Variants in RBM41 observed in about 807,000 individuals in gnomAD.
RBM41 encodes the protein RNA binding motif protein 41, also known as RNA-binding protein 41.
Under a neutral mutation model 30.8 loss-of-function variants are expected in RBM41, and 14 were observed. The observed-to-expected ratio is 0.45, with a 90% confidence interval of 0.30 to 0.71. The LOEUF is 0.71. Among genes scored for constraint, RBM41 ranks in the 30% least tolerant of loss-of-function variants. The pLI is 0.08. For synonymous variants in RBM41, 120 were observed against 110.1 expected (o/e 1.09, Z -0.56); for missense variants, 276 against 326.3 (o/e 0.85, Z 1.19).
chrX:107,088,229 C>T lies in RBM41; in HGVS notation c.999+207G>A, dbSNP rs1922211615. Among the ~76,000 whole-genome samples, 4 of 111,493 alleles carry T rather than the reference C, an allele frequency of 3.6e-5. No homozygotes were observed. In the South Asian group the frequency reaches 1.5e-3, roughly 43 times the overall value. On this transcript the variant is annotated intron_variant, in intron 6 of 7. Transcript: ENST00000685964. ...TTAAAACGCTAAGGATAGTTCAGGA[C>T]CTTAGCAAAGTACCAAGAACCTTAT...
At chrX:107,053,306 A>G in the RBM41 span, among the ~76,000 whole-genome samples, 17 of 113,508 alleles carry the variant, frequency 1.5e-4, no homozygotes, top group African/African-American at 4.8e-4. Context: ...AAACAATGAT[A>G]GGCTGAGGTA....
intron 5 of RBM41, among the ~76,000 whole-genome samples, chrX:107,111,023 A>G (rs1248112048): frequency 9.0e-6 from 1 of 111,544 alleles, no homozygotes; most frequent in Non-Finnish European, 1.9e-5. Flanking sequence ...CACCAAAAGC[A>G]TAGACAACAA....
chrX:107,072,874 C>A (rs1936111687), intron 6 of RBM41, among the ~76,000 whole-genome samples: 1 of 110,730 alleles, frequency 9.0e-6, no homozygotes. Flanking sequence ...ATAAAGACAC[C>A]AAGAACATCA....
intron 5 of RBM41, among the ~76,000 whole-genome samples, chrX:107,095,389 A>G (rs1335849278): frequency 9.0e-6 from 1 of 110,724 alleles, no homozygotes; most frequent in Non-Finnish European, 1.9e-5. Context: ...TGAGGTCAGG[A>G]GTTTGAGAAC....
At chrX:107,117,900 T>G (rs756337131) in intron 1 of RBM41, among the ~76,000 whole-genome samples, 1 of 111,591 alleles carries the variant, frequency 9.0e-6, no homozygotes, top group Admixed American at 9.5e-5. Context: ...CTTTAAGCTG[T>G]ATATATACAT....
intron 6 of RBM41, 53 bp downstream of exon 6, chrX:107,088,383 A>C: frequency 1.2e-5 from 13 of 1,065,993 alleles, no homozygotes; most frequent in Non-Finnish European, 1.5e-5. Context: ...CTTTAGGTAG[A>C]GGTAAATAAA....
chrX:107,088,549 T>C lies in RBM41; in HGVS notation c.886A>G (p.Thr296Ala). The change falls in exon 6 of 8, where the codon ACG (threonine) becomes GCG (alanine). Residue 296 changes from threonine to alanine, a missense_variant. Thr to Ala is a moderately conservative substitution (Grantham distance 58). Transcript: ENST00000685964. ...EQCWTGPKKL[T>A]QPIEFVPEDE... ...TCTGGGACAAATTCTATTGGCTGCG[T>C]CAGCTTCTTAGGCCCAGTCCAACAC... 2 of 1,211,543 alleles carry C rather than the reference T, an allele frequency of 1.7e-6. No homozygotes were observed. Among genetic ancestry groups the C allele is most frequent in the African/African-American group, 3.5e-5 (2 of 57,737 alleles).
intron 5 of RBM41, among the ~76,000 whole-genome samples, chrX:107,090,995 T>C (rs771358539): frequency 1.3e-3 from 140 of 109,088 alleles, no homozygotes; most frequent in African/African-American, 4.5e-3. Context: ...GTGTGTGATG[T>C]TCCCCTCCCT....
Position 107,090,293 on chromosome X carries a change from G to T in RBM41, c.596-1454C>A, listed in dbSNP as rs757160467. Among the ~76,000 whole-genome samples the T allele has an allele frequency of 7.6e-4, 85 of 111,333 alleles. 1 individual carries two copies. The highest frequency in any genetic ancestry group is 1.5e-4 in the Non-Finnish European group (8 of 53,070). ...GGAGGCTGAGGCAGGAGAATTGCTT[G>T]AACCTGGGAAGCGGAGGTTGCAGTG... On this transcript the variant is annotated intron_variant, in intron 5 of 7. Coordinates refer to ENST00000685964, the MANE Select transcript of RBM41 (RefSeq NM_001324242.2).
At chrX:107,078,752 G>GAAGAACAATAA (rs1442144685) in intron 6 of RBM41, among the ~76,000 whole-genome samples, 1 of 103,719 alleles carries the variant, frequency 9.6e-6, no homozygotes, top group Admixed American at 1.0e-4. Context: ...TCATCATGTC[G>GAAGAACAATAA]AAGAACAATA....
the RBM41 span, among the ~76,000 whole-genome samples, chrX:107,054,460 C>G: frequency 8.9e-6 from 1 of 111,892 alleles, no homozygotes; most frequent in Non-Finnish European, 1.9e-5. Flanking sequence ...AAGCTTAACA[C>G]TGGGGCTTGG....
Position 107,115,204 on chromosome X carries a change from T to A in RBM41, c.523+148A>T, listed in dbSNP as rs1027833237. ...TCATGCAACTAACTGTGCACATATT[T>A]GTCTCTCTTATGGTATTATACATTT... is the stretch of plus-strand genomic sequence containing the variant. On this transcript the variant is annotated intron_variant, in intron 4 of 7. Transcript: ENST00000685964. 4.1e-5 allele frequency: 23 copies of A among 565,227 alleles called. No homozygotes were observed. In the Admixed American group the frequency reaches 7.5e-4, roughly 18 times the overall value. 46.6% of individuals were successfully genotyped at this position (565,227 alleles called of 1,213,427 possible). A position where few individuals can be genotyped will look rare whatever the true frequency, so the allele number is the denominator to read the frequency against.
At chrX:107,086,419 CTG>C (rs779913763) in intron 6 of RBM41, among the ~76,000 whole-genome samples, 1 of 110,394 alleles carries the variant, frequency 9.1e-6, no homozygotes, top group East Asian at 2.8e-4. Flanking sequence ...GTCTAGCAAT[CTG>C]TGTTTTAACA....
At chrX:107,091,584 G>T (rs1019199191) in intron 5 of RBM41, among the ~76,000 whole-genome samples, 6 of 111,895 alleles carry the variant, frequency 5.4e-5, no homozygotes, top group Non-Finnish European at 9.4e-5. Context: ...CTTCACAGAA[G>T]TCTCACTTCC....
At chrX:107,113,000 C>A in intron 5 of RBM41, 1 of 224,531 alleles carries the variant, frequency 4.5e-6, no homozygotes, top group Non-Finnish European at 8.3e-6. Flanking sequence ...GAATTGTACA[C>A]CAAAAAAGAA....
intron 5 of RBM41, among the ~76,000 whole-genome samples, chrX:107,112,351 T>C (rs1261650611): frequency 9.0e-6 from 1 of 111,590 alleles, no homozygotes; most frequent in African/African-American, 3.2e-5. Flanking sequence ...TTCACAGCTA[T>C]TGAAATAACC....
chrX:107,088,716 T>A lies in RBM41; in HGVS notation c.719A>T (p.His240Leu), dbSNP rs1165500482. 8.3e-7 allele frequency: 1 copy of A among 1,211,248 alleles called. No individual in the cohort carries two copies. Among genetic ancestry groups the A allele is most frequent in the South Asian group, 1.8e-5 (1 of 56,961 alleles). ...QLMRGEPFAS[H>L]SLVSATSVGD... ...CACTGATGTAGCTGAGACCAGTGAG[T>A]GGGAAGCAAAGGGTTCACCTCTCAT... The change falls in exon 6 of 8, where the codon CAC (histidine) becomes CTC (leucine). Residue 240 changes from histidine (H) to leucine (L), a missense_variant. Physicochemically the swap from His to Leu is moderately conservative, Grantham distance 99. Transcript: ENST00000685964.
At chrX:107,106,985 G>A (rs1400785502) in intron 5 of RBM41, among the ~76,000 whole-genome samples, 2 of 110,982 alleles carry the variant, frequency 1.8e-5, no homozygotes, top group South Asian at 3.9e-4. Flanking sequence ...AAACCTGCAC[G>A]TTGTACACAT....
chrX:107,116,217 G>A (rs967887711), intron 2 of RBM41, 163 bp from the exon 3 acceptor site: 14 of 978,233 alleles, frequency 1.4e-5, no homozygotes, highest in South Asian at 9.7e-5. Context: ...GAACTCCATC[G>A]AGAGTGCCGT....
Sources: allele counts gnomAD v4.1 joint callset (sites outside exome capture counted in the v4.1 genomes callset), GRCh38; gene constraint gnomAD v4.1.1; transcripts MANE v1.5; gene names NCBI Gene and HGNC (gene_info 2026-07-23, HGNC 2026-07-21).